Variants in LIMK1 observed in about 807,000 individuals in gnomAD.
The protein encoded by LIMK1 is LIM motif-containing protein kinase.
In LIMK1, 21 loss-of-function variants were observed where a neutral mutation model predicts 77.6. The observed-to-expected ratio is 0.27, with a 90% CI of 0.19 to 0.39. The LOEUF is 0.39. Ranked by LOEUF, LIMK1 falls within the 10% of genes least tolerant of loss-of-function variation. LIMK1 has a pLI of 1.00. For synonymous variants in LIMK1, 358 were observed against 370.0 expected (o/e 0.97, Z 0.37); for missense variants, 696 against 901.6 (o/e 0.77, Z 2.92).
chr7:74,112,079 A>C, intron 12 of LIMK1, 81 bp downstream of exon 12: 4 of 1,103,514 alleles, frequency 3.6e-6, no homozygotes, highest in Non-Finnish European at 5.3e-6. Flanking sequence ...CCTTCCCAGA[A>C]CTGGAGGCCC....
At chr7:74,102,482 C>CTTTTTTTTTTTTTTTTTTTTTTTTTTT (rs782517343) in intron 5 of LIMK1, among the ~76,000 whole-genome samples, 1 of 25,682 alleles carries the variant, frequency 3.9e-5, no homozygotes, top group Non-Finnish European at 1.2e-4. Context: ...GAAGGACCTT[C>CTTTTTTTTTTTTTTTTTTTTTTTTTTT]TCTTTTTTTT....
intron 4 of LIMK1, among the ~76,000 whole-genome samples, chr7:74,097,871 C>T (rs1338779471): frequency 4.6e-5 from 7 of 152,214 alleles, no homozygotes; most frequent in Admixed American, 4.6e-4. Context: ...GCTACAAATT[C>T]AGGGACTCCC....
intron 5 of LIMK1, among the ~76,000 whole-genome samples, chr7:74,099,846 G>T (rs1022307992): frequency 9.3e-5 from 14 of 151,142 alleles, no homozygotes; most frequent in Non-Finnish European, 7.4e-5. Flanking sequence ...GAAGCTGGGC[G>T]CAGTAACTCA....
intron 2 of LIMK1, among the ~76,000 whole-genome samples, chr7:74,095,098 G>A (rs542742582): frequency 1.3e-5 from 2 of 152,274 alleles, no homozygotes; most frequent in African/African-American, 2.4e-5. Flanking sequence ...TTAGCAGACA[G>A]CCCATGAGTG....
chr7:74,084,366 C>G (rs1799090868), intron 1 of LIMK1, among the ~76,000 whole-genome samples: 1 of 152,166 alleles, frequency 6.6e-6, no homozygotes, highest in South Asian at 2.1e-4. Context: ...ACCCGGGCCT[C>G]GCCCTGGGGC....
chr7:74,117,026 C>T (rs1415370853), intron 13 of LIMK1, among the ~76,000 whole-genome samples: 1 of 151,982 alleles, frequency 6.6e-6, no homozygotes, highest in Non-Finnish European at 1.5e-5. Context: ...GGACTACAGG[C>T]GCCCGCCAAC....
At chr7:74,100,691 A>G (rs1197774303) in intron 5 of LIMK1, among the ~76,000 whole-genome samples, 3 of 150,650 alleles carry the variant, frequency 2.0e-5, no homozygotes, top group Admixed American at 6.6e-5. Flanking sequence ...TGCCGGGATT[A>G]CAGGTGTGAG....
chr7:74,103,176 A>G (rs1375321147), intron 5 of LIMK1, among the ~76,000 whole-genome samples: 2 of 151,608 alleles, frequency 1.3e-5, no homozygotes, highest in African/African-American at 4.8e-5. Flanking sequence ...CCATTTCCTC[A>G]GCCTTTCATT....
In LIMK1 at chr7:74,121,416, GC is replaced by G; in HGVS notation, c.*117del. ...GTGGGGACCCAGGCTTCTCCTCAGA[GC>G]CAGGCCCTGACTTGCCTTCTCCCAC... On this transcript the variant is annotated 3_prime_UTR_variant, in exon 16 of 16. Coordinates refer to ENST00000336180, the MANE Select transcript of LIMK1 (RefSeq NM_002314.4). The G allele has an allele frequency of 8.9e-7, 1 of 1,120,060 alleles. No individual in the cohort carries two copies. The highest frequency in any genetic ancestry group is 1.2e-6 in the Non-Finnish European group (1 of 810,784). 69.4% of individuals were successfully genotyped at this position (1,120,060 alleles called of 1,614,324 possible).
intron 13 of LIMK1, among the ~76,000 whole-genome samples, chr7:74,117,523 T>C (rs1554699753): frequency 6.6e-6 from 1 of 152,104 alleles, no homozygotes; most frequent in East Asian, 1.9e-4. Flanking sequence ...AGTCCATTTC[T>C]TTGCTGTCAA....
intron 8 of LIMK1, among the ~76,000 whole-genome samples, chr7:74,107,453 T>C (rs1584122814): frequency 6.6e-6 from 1 of 152,268 alleles, no homozygotes; most frequent in East Asian, 1.9e-4. Flanking sequence ...CCCAGCACCA[T>C]GAGAGGCTAA....
At chr7:74,089,081 A>G (rs1254790383) in intron 2 of LIMK1, among the ~76,000 whole-genome samples, 1 of 152,208 alleles carries the variant, frequency 6.6e-6, no homozygotes, top group East Asian at 1.9e-4. Flanking sequence ...TTAAATCTTC[A>G]TCATAACTCT....
chr7:74,085,992 G>C (rs1472769954), intron 2 of LIMK1, 148 bp downstream of exon 2: 7 of 612,396 alleles, frequency 1.1e-5, no homozygotes, highest in Non-Finnish European at 2.0e-5. Context: ...TTTATGACAT[G>C]AGGTGTTTTG....
intron 5 of LIMK1, among the ~76,000 whole-genome samples, chr7:74,103,737 T>C (rs1275441760): frequency 6.6e-6 from 1 of 152,192 alleles, no homozygotes; most frequent in African/African-American, 2.4e-5. Flanking sequence ...CTGTTCTTCC[T>C]TCTGCATTTG....
chr7:74,096,574 G>A (rs782673453), intron 2 of LIMK1, 48 bp from the exon 3 acceptor site: 2 of 1,612,052 alleles, frequency 1.2e-6, no homozygotes, highest in South Asian at 2.2e-5. Flanking sequence ...CCCAGGTGAG[G>A]TGGAGGAGGG....
chr7:74,086,645 A>T (rs1269370122), intron 2 of LIMK1, among the ~76,000 whole-genome samples: 2 of 152,098 alleles, frequency 1.3e-5, no homozygotes, highest in Non-Finnish European at 2.9e-5. Flanking sequence ...TACAGGCGTG[A>T]GCTAACGCCT....
At chr7:74,104,663 A>G (rs1350404065) in intron 5 of LIMK1, among the ~76,000 whole-genome samples, 1 of 152,132 alleles carries the variant, frequency 6.6e-6, no homozygotes, top group African/African-American at 2.4e-5. Flanking sequence ...CCAGGTCCCT[A>G]ACACCGAAGA....
At chr7:74,096,941 G>A in intron 3 of LIMK1, 139 bp from the exon 4 acceptor site, 2 of 1,044,150 alleles carry the variant, frequency 1.9e-6, no homozygotes, top group Non-Finnish European at 2.8e-6. Context: ...AGCCAGCTCT[G>A]TCCAGGAGCT....
chr7:74,102,114 A>G (rs1053282215), intron 5 of LIMK1, among the ~76,000 whole-genome samples: 1 of 152,172 alleles, frequency 6.6e-6, no homozygotes, highest in African/African-American at 2.4e-5. Context: ...GTGAGCCACT[A>G]TGCCTGGCTT....
Sources: gnomAD v4.1 joint callset for allele counts (sites outside exome capture counted in the v4.1 genomes callset) on GRCh38, gnomAD v4.1.1 for gene constraint, MANE v1.5 for transcripts, NCBI Gene and HGNC (gene_info 2026-07-23, HGNC 2026-07-21) for gene names.